The following FAM120A variants were observed in gnomAD, a reference collection of about 807,000 sequenced individuals.
The protein encoded by FAM120A is family with sequence similarity 120 member A, also known as constitutive coactivator of PPAR-gamma-like protein 1.
Under a neutral mutation model 109.7 loss-of-function variants are expected in FAM120A, and 15 were observed. The ratio of observed to expected loss-of-function variants is 0.14; its 90% CI spans 0.09 to 0.21. The LOEUF (loss-of-function observed/expected upper bound fraction) is 0.21, where lower values mean the gene tolerates loss of function less well. Ranked by LOEUF, FAM120A falls within the 10% of genes least tolerant of loss-of-function variation. The pLI, the probability that FAM120A is intolerant of heterozygous loss-of-function variation, is 1.00. For missense variants in FAM120A, 899 were observed against 1,439.3 expected (o/e 0.62, Z 6.07); for synonymous variants, 493 against 572.8 (o/e 0.86, Z 1.99).
chr9:93,529,796 C>T, intron 9 of FAM120A: 1 of 612,488 alleles, frequency 1.6e-6, no homozygotes, highest in Non-Finnish European at 2.9e-6. Context: ...CACTTTTTTC[C>T]TTCAACTTAG....
chr9:93,555,933 A>C (rs1326134094), intron 12 of FAM120A, among the ~76,000 whole-genome samples: 1 of 152,218 alleles, frequency 6.6e-6, no homozygotes, highest in Non-Finnish European at 1.5e-5. Flanking sequence ...GTAACTATTT[A>C]AAAATGCAGA....
In FAM120A at chr9:93,564,451, A is replaced by T. The variant is rs928053906; in HGVS notation, c.3268A>T (p.Thr1090Ser). The change falls in exon 18 of 18, where the codon ACA (threonine) becomes TCA (serine). Residue 1090 changes from threonine to serine, a missense_variant. By Grantham distance (58) the Thr-to-Ser change is moderately conservative. This residue lies in a region of FAM120A where 170 missense variants were observed against 205.0 expected (regional missense o/e 0.83). Transcript: ENST00000277165. The part of the protein sequence containing the change: ...ALNNDSKTCN[T>S]NPHLNALSTD... ...GAATAATGACTCTAAAACGTGCAAT[A>T]CAAATCCTCATTTAAATGCACTAAG... 1.9e-6 allele frequency: 3 copies of T among 1,614,134 alleles called. No homozygotes were observed. In the African/African-American group the frequency reaches 4.0e-5, roughly 22 times the overall value.
At chr9:93,502,977 G>A (rs1369077560) in intron 5 of FAM120A, among the ~76,000 whole-genome samples, 3 of 152,212 alleles carry the variant, frequency 2.0e-5, no homozygotes, top group Non-Finnish European at 2.9e-5. Flanking sequence ...CACAGATCCC[G>A]TGTGCAGGTG....
chr9:93,562,633 TGTA>T (rs1245653032), intron 17 of FAM120A, among the ~76,000 whole-genome samples: 2 of 151,914 alleles, frequency 1.3e-5, no homozygotes, highest in Non-Finnish European at 2.9e-5. Context: ...AACAGCCACT[TGTA>T]GTTTCTTTTT....
chr9:93,538,151 T>C (rs1861584895), intron 10 of FAM120A, among the ~76,000 whole-genome samples: 1 of 152,220 alleles, frequency 6.6e-6, no homozygotes, highest in Admixed American at 6.5e-5. Context: ...TCTACATGTC[T>C]GTAATACTGT....
chr9:93,524,862 C>T (rs756110690), intron 7 of FAM120A, among the ~76,000 whole-genome samples: 158 of 152,242 alleles, frequency 1.0e-3, no homozygotes, highest in Non-Finnish European at 1.1e-3. Context: ...TTCCCTGTGG[C>T]CGGTGCCTGT....
Position 93,556,490 on chromosome 9 carries a change from C to T in FAM120A, c.2383C>T (p.His795Tyr). 6.2e-7 allele frequency: 1 copy of T among 1,614,206 alleles called. No individual in the cohort carries two copies. Among genetic ancestry groups the T allele is most frequent in the Middle Eastern group, 1.6e-4 (1 of 6,062 alleles). Residue 795 changes from histidine to tyrosine, a missense_variant, in exon 13 of 18, where the codon CAC becomes TAC. His to Tyr is a moderately conservative substitution (Grantham distance 83). Transcript: ENST00000277165. ...DACGQPIPWE[H>Y]CCPWMYFDGK... is the part of the protein sequence containing the mutation. ...ATGCGGACAGCCAATCCCCTGGGAA[C>T]ACTGTTGTCCTTGGATGTATTTTGA...
At chr9:93,560,196 G>A (rs1564362505) in intron 15 of FAM120A, among the ~76,000 whole-genome samples, 1 of 152,160 alleles carries the variant, frequency 6.6e-6, no homozygotes, top group Non-Finnish European at 1.5e-5. Context: ...TCAGGAGGCT[G>A]AGGCGGGAGG....
At position 93,451,959 on chromosome 9, in the gene FAM120A, C is replaced by G; in HGVS notation, c.44C>G (p.Pro15Arg). Residue 15 changes from proline to arginine, a missense_variant, in exon 1 of 18, where the codon CCG (proline) becomes CGG (arginine). Coordinates refer to ENST00000277165, the MANE Select transcript of FAM120A (RefSeq NM_014612.5). ...GFQDYIEKHC[P>R]SAVVPVELQK... ...CAGGACTACATCGAGAAGCACTGCC[C>G]GAGCGCCGTGGTGCCGGTGGAGCTG... 1.3e-6 allele frequency: 2 copies of G among 1,536,050 alleles called. No homozygotes were observed. Among genetic ancestry groups the G allele is most frequent in the South Asian group, 1.2e-5 (1 of 82,856 alleles).
rs145201219 is a variant in FAM120A, at chr9:93,563,032, T to A, written c.3045+728T>A. Among the ~76,000 whole-genome samples, 54 of 152,302 alleles carry A rather than the reference T, an allele frequency of 3.5e-4. 3 individuals carry two copies. The East Asian group carries it at 8.7e-3, about 24-fold the overall frequency. ...TCAAAGAAAATGACGATTGCATTGA[T>A]TCATGGAGAAGGGTGCGTTAATATT... On this transcript the variant is annotated intron_variant, in intron 17 of 17. Coordinates refer to ENST00000277165, the MANE Select transcript of FAM120A (RefSeq NM_014612.5).
chr9:93,499,254 T>A (rs938382275), intron 5 of FAM120A, among the ~76,000 whole-genome samples: 3 of 151,736 alleles, frequency 2.0e-5, no homozygotes, highest in Non-Finnish European at 4.4e-5. Context: ...GTATTTGTAG[T>A]CTCTCTTTTC....
chr9:93,468,322 T>C (rs1188864431), intron 1 of FAM120A, among the ~76,000 whole-genome samples: 2 of 152,242 alleles, frequency 1.3e-5, no homozygotes, highest in Non-Finnish European at 2.9e-5. Flanking sequence ...TTTTTAATTT[T>C]TTTTGGTGCT....
At chr9:93,523,133 G>A in intron 7 of FAM120A, 2 of 325,716 alleles carry the variant, frequency 6.1e-6, no homozygotes, top group South Asian at 4.9e-5. Context: ...TAGTATGCTA[G>A]AAAATCAGAA....
intron 1 of FAM120A, among the ~76,000 whole-genome samples, chr9:93,463,949 G>A (rs959740672): frequency 3.2e-4 from 48 of 152,196 alleles, no homozygotes; most frequent in African/African-American, 1.1e-3. Context: ...ATGCTTCTGA[G>A]CTGTTTACAT....
At chr9:93,524,640 C>G (rs184787383) in intron 7 of FAM120A, among the ~76,000 whole-genome samples, 11 of 152,322 alleles carry the variant, frequency 7.2e-5, no homozygotes, top group African/African-American at 2.2e-4. Context: ...TCTGTAGCGT[C>G]GGCTCGGCTC....
chr9:93,479,372 C>T (rs926839878), intron 3 of FAM120A, among the ~76,000 whole-genome samples: 72 of 152,236 alleles, frequency 4.7e-4, no homozygotes, highest in African/African-American at 1.3e-3. Context: ...TAGGGTATTG[C>T]ATTTTAAGAG....
intron 10 of FAM120A, among the ~76,000 whole-genome samples, 188 bp from the exon 11 acceptor site, chr9:93,543,034 G>A (rs1057450379): frequency 2.0e-5 from 3 of 152,146 alleles, no homozygotes; most frequent in South Asian, 2.1e-4. Flanking sequence ...GCCATTAATT[G>A]CACAGAATAG....
intron 5 of FAM120A, among the ~76,000 whole-genome samples, chr9:93,508,695 C>T (rs911223063): frequency 2.6e-5 from 4 of 152,170 alleles, no homozygotes; most frequent in Non-Finnish European, 4.4e-5. Flanking sequence ...GGGCATCACT[C>T]CATCCTGACT....
chr9:93,453,110 A>C (rs1857356517), intron 1 of FAM120A: 5 of 1,025,686 alleles, frequency 4.9e-6, no homozygotes, highest in Non-Finnish European at 4.7e-6. Context: ...GAGGTCTTTA[A>C]GGCAGTTCGG....
Sources: gnomAD v4.1 joint callset for allele counts (sites outside exome capture counted in the v4.1 genomes callset) on GRCh38, gnomAD v4.1.1 for gene constraint, gnomAD v4.1.1 regional missense constraint, MANE v1.5 for transcripts, NCBI Gene and HGNC (gene_info 2026-07-23, HGNC 2026-07-21) for gene names.